Variants in DCAF6 observed in about 807,000 individuals in gnomAD.
DCAF6 encodes the protein DDB1 and CUL4 associated factor 6, also known as DDB1- and CUL4-associated factor 6.
Under a neutral mutation model 125.1 loss-of-function variants are expected in DCAF6, and 54 were observed. The observed-to-expected ratio is 0.43, with a 90% CI of 0.35 to 0.54. DCAF6 has a LOEUF of 0.54. DCAF6 is among the 20% of genes least tolerant of loss of function. The pLI is 0.01. For synonymous variants in DCAF6, 371 were observed against 390.4 expected (o/e 0.95, Z 0.58); for missense variants, 934 against 1,161.7 (o/e 0.80, Z 2.85).
At chr1:167,967,800 G>A (rs1379529216) in intron 3 of DCAF6, among the ~76,000 whole-genome samples, 4 of 144,840 alleles carry the variant, frequency 2.8e-5, no homozygotes, top group Middle Eastern at 7.4e-3. Flanking sequence ...GTGCGATCTC[G>A]GCTTACTGCA....
At chr1:168,054,304 C>A (rs920040091) in intron 17 of DCAF6, among the ~76,000 whole-genome samples, 1 of 152,138 alleles carries the variant, frequency 6.6e-6, no homozygotes, top group African/African-American at 2.4e-5. Flanking sequence ...TCTGCAGAGT[C>A]CCGAGCTGGC....
intron 1 of DCAF6, 128 bp from the exon 2 acceptor site, chr1:167,951,672 A>G (rs1673972351): frequency 3.2e-6 from 2 of 632,770 alleles, no homozygotes; most frequent in Non-Finnish European, 2.8e-6. Context: ...CACTCAGTTT[A>G]TAAATGGTGG....
chr1:167,986,974 A>G (rs1680102417), intron 4 of DCAF6, among the ~76,000 whole-genome samples: 1 of 152,238 alleles, frequency 6.6e-6, no homozygotes, highest in Non-Finnish European at 1.5e-5. Context: ...TATTGTTTTG[A>G]GAGTACATTT....
intron 2 of DCAF6, among the ~76,000 whole-genome samples, chr1:167,958,326 G>A (rs1015496895): frequency 1.3e-4 from 20 of 149,166 alleles, no homozygotes; most frequent in African/African-American, 4.2e-4. Context: ...TAAAGTAGGG[G>A]TCCAAGGTGT....
intron 11 of DCAF6, among the ~76,000 whole-genome samples, chr1:168,017,681 T>C (rs1048943240): frequency 3.3e-5 from 5 of 152,162 alleles, no homozygotes; most frequent in Non-Finnish European, 5.9e-5. Context: ...TATAAAACTT[T>C]ATCTTATACA....
At chr1:168,063,901 G>A (rs2101960642) in intron 18 of DCAF6, 142 bp downstream of exon 18, 2 of 743,404 alleles carry the variant, frequency 2.7e-6, no homozygotes, top group Middle Eastern at 2.6e-4. Flanking sequence ...TATCCAACAT[G>A]GTTCTTTTAG....
chr1:168,004,931 G>A (rs1683141832), intron 10 of DCAF6, 138 bp downstream of exon 10: 2 of 984,058 alleles, frequency 2.0e-6, no homozygotes, highest in Non-Finnish European at 2.9e-6. Flanking sequence ...ATATGGTTAT[G>A]TAACTTAAAC....
At chr1:168,060,846 G>A (rs1254011330) in intron 17 of DCAF6, among the ~76,000 whole-genome samples, 1 of 152,150 alleles carries the variant, frequency 6.6e-6, no homozygotes, top group African/African-American at 2.4e-5. Context: ...CTGAGACCCC[G>A]CCACTGCACT....
Position 168,015,904 on chromosome 1 carries a change from C to A in DCAF6, c.1502C>A (p.Ser501Tyr). 1 of 1,541,144 alleles carries A rather than the reference C, an allele frequency of 6.5e-7. No homozygotes were observed. The highest frequency in any genetic ancestry group is 1.2e-5 in the South Asian group (1 of 82,586). ...CATACCCAGCAACAGCCTTCCACTT[C>A]TGATCAGTCTTCTCATGAGGGCTCT... ...AAHTQQQPST[S>Y]DQSSHEGSSQ... The change falls in exon 11 of 22, where the codon TCT (serine) becomes TAT (tyrosine). Residue 501 changes from serine to tyrosine, a missense_variant. Ser to Tyr is a moderately radical substitution (Grantham distance 144). This residue lies in a region of DCAF6 where 559 missense variants were observed against 635.5 expected (regional missense o/e 0.88). Transcript: ENST00000367840.
At chr1:167,960,482 G>T (rs919283414) in intron 2 of DCAF6, among the ~76,000 whole-genome samples, 14 of 151,812 alleles carry the variant, frequency 9.2e-5, no homozygotes, top group African/African-American at 2.9e-4. Context: ...TGTATCTTTA[G>T]TAGAGATGGG....
intron 12 of DCAF6, among the ~76,000 whole-genome samples, chr1:168,033,489 G>C (rs189999502): frequency 6.6e-6 from 1 of 151,624 alleles, no homozygotes; most frequent in Non-Finnish European, 1.5e-5. Flanking sequence ...CTAATTTTTT[G>C]TATTTTTTTA....
intron 14 of DCAF6, 73 bp downstream of exon 14, chr1:168,043,213 G>A (rs1345346172): frequency 9.0e-6 from 10 of 1,106,806 alleles, no homozygotes; most frequent in South Asian, 1.3e-5. Flanking sequence ...TGTTCCCTTC[G>A]ATGCTGTATT....
At chr1:168,034,031 GTGATAATTT>G (rs1468741436) in intron 12 of DCAF6, among the ~76,000 whole-genome samples, 1 of 152,184 alleles carries the variant, frequency 6.6e-6, no homozygotes, top group Non-Finnish European at 1.5e-5. Flanking sequence ...TGATGCCAAA[GTGATAATTT>G]TGGCTACCAG....
At chr1:167,951,513 T>A (rs1673934827) in intron 1 of DCAF6, among the ~76,000 whole-genome samples, 1 of 152,172 alleles carries the variant, frequency 6.6e-6, no homozygotes, top group African/African-American at 2.4e-5. Context: ...AGGCAGAGGT[T>A]GCAGTGAGCT....
intron 11 of DCAF6, among the ~76,000 whole-genome samples, chr1:168,016,979 T>C (rs946999570): frequency 6.6e-6 from 1 of 152,062 alleles, no homozygotes; most frequent in South Asian, 2.1e-4. Context: ...TAGTAAGTGC[T>C]GTGGTAACAA....
intron 2 of DCAF6, among the ~76,000 whole-genome samples, chr1:167,960,375 G>A (rs542844090): frequency 1.3e-5 from 2 of 151,858 alleles, no homozygotes; most frequent in East Asian, 1.9e-4. Context: ...CTCAGCTCAC[G>A]GCAGCCTCCA....
At chr1:167,968,532 A>G (rs1304303182) in intron 3 of DCAF6, 1 of 152,316 alleles carries the variant, frequency 6.6e-6, no homozygotes, top group Non-Finnish European at 1.5e-5. Context: ...TTCTCATCAG[A>G]GGTAGTATGC....
At chr1:167,879,488 C>T in the DCAF6 span, among the ~76,000 whole-genome samples, 4 of 152,084 alleles carry the variant, frequency 2.6e-5, no homozygotes, top group Non-Finnish European at 1.5e-5. Flanking sequence ...TCCATATACC[C>T]ATCACCCCAT....
intron 12 of DCAF6, 62 bp from the exon 13 acceptor site, chr1:168,038,309 G>A: frequency 8.2e-7 from 1 of 1,220,468 alleles, no homozygotes; most frequent in South Asian, 1.3e-5. Flanking sequence ...ATAAATTTTA[G>A]GAAATGTCAT....
Sources: gnomAD v4.1 joint callset for allele counts (sites outside exome capture counted in the v4.1 genomes callset) on GRCh38, gnomAD v4.1.1 for gene constraint, gnomAD v4.1.1 regional missense constraint, MANE v1.5 for transcripts, NCBI Gene and HGNC (gene_info 2026-07-23, HGNC 2026-07-21) for gene names.